Variants in SEPSECS observed in about 807,000 individuals in gnomAD.
The protein encoded by SEPSECS is O-phosphoseryl-tRNA(Sec) selenium transferase.
A neutral mutation model predicts 52.1 loss-of-function variants in SEPSECS; 42 were observed. The ratio of observed to expected loss-of-function variants is 0.81; its 90% CI spans 0.63 to 1.04. SEPSECS has a LOEUF of 1.04. SEPSECS is among the 50% of genes least tolerant of loss of function. The probability of loss-of-function intolerance (pLI) is 0.00; values close to 1 mark genes in which losing one functional copy is unlikely to be tolerated. For missense variants in SEPSECS, 590 were observed against 610.6 expected, an observed-to-expected ratio of 0.97 and a Z score of 0.36; for synonymous variants, 216 against 211.4, an observed-to-expected ratio of 1.02 and a Z score of -0.19.
intron 8 of SEPSECS, among the ~76,000 whole-genome samples, chr4:25,128,321 A>C (rs1463616431): frequency 1.3e-5 from 2 of 152,278 alleles, no homozygotes; most frequent in Middle Eastern, 3.4e-3. Context: ...TATTTCCTTT[A>C]AATCACACAA....
chr4:25,132,851 A>G (rs1457219949), intron 8 of SEPSECS, among the ~76,000 whole-genome samples: 1 of 152,222 alleles, frequency 6.6e-6, no homozygotes, highest in Non-Finnish European at 1.5e-5. Context: ...GACTGGAAGC[A>G]GTGACAAGAA....
intron 1 of SEPSECS, 176 bp downstream of exon 1, chr4:25,160,080 C>T (rs2109041267): frequency 1.0e-6 from 1 of 985,448 alleles, no homozygotes; most frequent in African/African-American, 1.7e-5. Flanking sequence ...CTGGCTTTGG[C>T]AAGGCTGAGA....
chr4:25,145,203 A>G, intron 6 of SEPSECS, 70 bp from the exon 7 acceptor site: 1 of 1,491,142 alleles, frequency 6.7e-7, no homozygotes, highest in Non-Finnish European at 9.3e-7. Flanking sequence ...AACAAATACC[A>G]CAACAAAAAA....
intron 1 of SEPSECS, 66 bp downstream of exon 1, chr4:25,160,190 G>C: frequency 6.5e-7 from 1 of 1,543,410 alleles, no homozygotes; most frequent in African/African-American, 1.4e-5. Flanking sequence ...AGCACCAGCG[G>C]GGACGCCCGG....
chr4:25,152,695 A>C (rs1712372613), intron 5 of SEPSECS, among the ~76,000 whole-genome samples: 1 of 151,944 alleles, frequency 6.6e-6, no homozygotes, highest in South Asian at 2.1e-4. Context: ...ATATTAATCT[A>C]ATTTGAGAGT....
rs1327037578 is a variant in SEPSECS at position 25,151,903 on chromosome 4, TATA to T, written c.804+54_804+56del. 6.5e-6 allele frequency: 6 copies of T among 929,326 alleles called. No individual in the cohort carries two copies. In the African/African-American group the frequency reaches 9.7e-5, roughly 15 times the overall value. 57.6% of individuals were successfully genotyped at this position (929,326 alleles called of 1,614,324 possible). A position where few individuals can be genotyped will look rare whatever the true frequency, so the allele number is the denominator to read the frequency against. On this transcript the variant is annotated intron_variant, in intron 6 of 10. Coordinates refer to ENST00000382103, the MANE Select transcript of SEPSECS (RefSeq NM_016955.4). ...AGATTGTAAGAAAAAGTAATAATCC[TATA>T]ATATGTTAAAATGAATTTTTCCTTG...
chr4:25,147,874 G>A (rs1372506964), intron 6 of SEPSECS, among the ~76,000 whole-genome samples: 1 of 152,122 alleles, frequency 6.6e-6, no homozygotes, highest in Admixed American at 6.5e-5. Flanking sequence ...TACAGTATTA[G>A]TATTTTAGTA....
Position 25,156,352 on chromosome 4 carries a change from CT to C in SEPSECS, c.389-158del, listed in dbSNP as rs534800937. ...TTGGAAAGCTCAATGCCAAATTCAA[CT>C]TCAGGGCTTATGGCTCTGATTTTCT... On this transcript the variant is annotated intron_variant, in intron 3 of 10. Transcript: ENST00000382103. Among the ~76,000 whole-genome samples the C allele has an allele frequency of 4.6e-5, 7 of 152,124 alleles. No homozygotes were observed. The East Asian group carries it at 1.4e-3, about 29-fold the overall frequency.
intron 1 of SEPSECS, chr4:25,159,464 T>C (rs1481451313): frequency 5.7e-6 from 2 of 351,562 alleles, no homozygotes; most frequent in Non-Finnish European, 1.1e-5. Context: ...GGGCGGTAGT[T>C]GTCAAACTTC....
chr4:25,129,487 GTGGTGTGA>G (rs1271922229), intron 8 of SEPSECS, among the ~76,000 whole-genome samples: 4 of 151,756 alleles, frequency 2.6e-5, no homozygotes, highest in African/African-American at 9.7e-5. Flanking sequence ...GCCAGGCATG[GTGGTGTGA>G]GCCTGTAATC....
intron 2 of SEPSECS, among the ~76,000 whole-genome samples, chr4:25,158,428 A>C (rs1334762819): frequency 6.6e-6 from 1 of 152,244 alleles, no homozygotes; most frequent in Non-Finnish European, 1.5e-5. Context: ...AATTGATGAA[A>C]AGCTTTCTGC....
chr4:25,127,426 C>A, intron 8 of SEPSECS, 69 bp from the exon 9 acceptor site: 1 of 1,146,278 alleles, frequency 8.7e-7, no homozygotes, highest in East Asian at 2.4e-5. Context: ...AGACAAAAAT[C>A]TGATTGGTAT....
At chr4:25,134,320 A>ATGTGTGTGTGTGTG (rs3066762) in intron 8 of SEPSECS, among the ~76,000 whole-genome samples, 25 of 145,104 alleles carry the variant, frequency 1.7e-4, no homozygotes, top group East Asian at 1.0e-3. Flanking sequence ...ATCTTTAAAA[A>ATGTGTGTGTGTGTG]TGTGTGTGTG....
chr4:25,125,671 A>AT lies in SEPSECS; in HGVS notation c.1211+22dup, dbSNP rs753024089. 4 of 1,500,766 alleles carry AT rather than the reference A, an allele frequency of 2.7e-6. No homozygotes were observed. The South Asian group carries it at 4.5e-5, about 17-fold the overall frequency. The allele number at this position is 1,500,766 out of a possible 1,614,324, so 93.0% of individuals were successfully genotyped here. A position where few individuals can be genotyped will look rare whatever the true frequency, so the allele number is the denominator to read the frequency against. On this transcript the variant is annotated intron_variant, in intron 10 of 10. Transcript: ENST00000382103. ...TAAGTTTGAAAAGACAAATAAACCC[A>AT]TATCTATCTTAAACATACTTACCTG...
At chr4:25,138,545 A>T (rs1728935519) in intron 8 of SEPSECS, among the ~76,000 whole-genome samples, 1 of 151,846 alleles carries the variant, frequency 6.6e-6, no homozygotes, top group Non-Finnish European at 1.5e-5. Context: ...AAAGCAGCTA[A>T]GAAAAAAGAA....
rs1728139755 is a variant in SEPSECS, at chr4:25,121,847, A to G, written c.*2084T>C. The G allele has an allele frequency of 6.6e-6, 1 of 152,200 alleles. No individual in the cohort carries two copies. The highest frequency in any genetic ancestry group is 6.6e-5 in the Admixed American group (1 of 15,262). 9.4% of individuals were successfully genotyped at this position (152,200 alleles called of 1,614,324 possible). A position where few individuals can be genotyped will look rare whatever the true frequency, so the allele number is the denominator to read the frequency against. On this transcript the variant is annotated 3_prime_UTR_variant, in exon 11 of 11. Coordinates refer to ENST00000382103, the MANE Select transcript of SEPSECS (RefSeq NM_016955.4). Reference sequence around the variant, plus strand: ...TTATCTATTCAGCAGCTGAAGCCCAAGAACTGCTGATACACTGCAGATGAG... The same window carrying G: ...TTATCTATTCAGCAGCTGAAGCCCAGGAACTGCTGATACACTGCAGATGAG...
chr4:25,156,844 G>C lies in SEPSECS; in HGVS notation c.388+12C>G, dbSNP rs372144391. The stretch of plus-strand genomic sequence containing the variant: ...AGACAGCCAAAAGCATTATGATTAA[G>C]ACGGTACATACCAGCCAGCTTTATA... On this transcript the variant is annotated intron_variant, in intron 3 of 10. Transcript: ENST00000382103. 1.1e-4 allele frequency: 146 copies of C among 1,348,980 alleles called. No homozygotes were observed. Among genetic ancestry groups the C allele is most frequent in the Admixed American group, 2.6e-4 (15 of 58,774 alleles). The allele number at this position is 1,348,980 out of a possible 1,614,324, so 83.6% of individuals were successfully genotyped here. A position where few individuals can be genotyped will look rare whatever the true frequency, so the allele number is the denominator to read the frequency against.
At chr4:25,125,847 T>TA in intron 9 of SEPSECS, 63 bp from the exon 10 acceptor site, 1 of 955,090 alleles carries the variant, frequency 1.0e-6, no homozygotes, top group Non-Finnish European at 1.7e-6. Context: ...ACTCAAATAA[T>TA]AACAATAATA....
At chr4:25,130,532 G>A (rs1014706620) in intron 8 of SEPSECS, among the ~76,000 whole-genome samples, 3 of 151,974 alleles carry the variant, frequency 2.0e-5, no homozygotes, top group Non-Finnish European at 2.9e-5. Flanking sequence ...ATTAAATCTC[G>A]TATCACTAGT....
Sources: gnomAD v4.1 joint callset for allele counts (sites outside exome capture counted in the v4.1 genomes callset) on GRCh38, gnomAD v4.1.1 for gene constraint, MANE v1.5 for transcripts, NCBI Gene and HGNC (gene_info 2026-07-23, HGNC 2026-07-21) for gene names.